DIS3L2: variants seen among roughly 807,000 people sequenced by gnomAD.
DIS3L2 encodes the protein DIS3 like 3'-5' exoribonuclease 2.
DIS3L2 carries 34 observed loss-of-function variants against 97.5 expected under a neutral mutation model. That is an observed-to-expected ratio of 0.35 (90% CI 0.27 to 0.46). DIS3L2 has a LOEUF of 0.46. Among genes scored for constraint, DIS3L2 ranks in the 20% least tolerant of loss-of-function variants. The probability of loss-of-function intolerance (pLI) is 1.00; values close to 1 mark genes in which losing one functional copy is unlikely to be tolerated. For synonymous variants in DIS3L2, 435 were observed against 445.2 expected, an observed-to-expected ratio of 0.98 and a Z score of 0.29; for missense variants, 1,038 against 1,146.0, an observed-to-expected ratio of 0.91 and a Z score of 1.36.
intron 8 of DIS3L2, among the ~76,000 whole-genome samples, chr2:232,139,707 C>T (rs534757438): frequency 2.0e-5 from 3 of 152,256 alleles, no homozygotes; most frequent in Non-Finnish European, 4.4e-5. Flanking sequence ...AGGATCATTT[C>T]TTATAGGACA....
chr2:231,984,312 A>G (rs916699375), intron 1 of DIS3L2, among the ~76,000 whole-genome samples: 1 of 145,820 alleles, frequency 6.9e-6, no homozygotes, highest in African/African-American at 2.5e-5. Context: ...TTTTTATTTT[A>G]TTTTTTGAGA....
chr2:232,277,664 G>A (rs1156544827), intron 13 of DIS3L2, among the ~76,000 whole-genome samples: 1 of 152,114 alleles, frequency 6.6e-6, no homozygotes, highest in Non-Finnish European at 1.5e-5. Context: ...CATTTTTAGA[G>A]CTTTTGACTT....
At chr2:232,145,092 T>A (rs911776616) in intron 8 of DIS3L2, among the ~76,000 whole-genome samples, 2 of 152,232 alleles carry the variant, frequency 1.3e-5, no homozygotes, top group Admixed American at 6.5e-5. Flanking sequence ...CTGTTTCTGC[T>A]TAATTTCACC....
In DIS3L2 at chr2:232,221,197, C is replaced by T. The variant is rs182562837; in HGVS notation, c.1204+10792C>T. ...GTATATGGAGATAATGCCAAGGGAC[C>T]GGAATTCAGAAATCAGGTGACAGTT... On this transcript the variant is annotated intron_variant, in intron 10 of 20. Coordinates refer to ENST00000325385, the MANE Select transcript of DIS3L2 (RefSeq NM_152383.5). Among the ~76,000 whole-genome samples the T allele has an allele frequency of 1.4e-3, 215 of 151,894 alleles. 2 individuals are homozygous for T. Among genetic ancestry groups the T allele is most frequent in the African/African-American group, 4.4e-3 (183 of 41,384 alleles).
chr2:232,217,367 C>T (rs1401185760), intron 10 of DIS3L2, among the ~76,000 whole-genome samples: 3 of 152,194 alleles, frequency 2.0e-5, no homozygotes, highest in Admixed American at 1.3e-4. Context: ...CTGCTATGAC[C>T]AAATACTTGG....
intron 14 of DIS3L2, 107 bp downstream of exon 14, chr2:232,300,226 A>G: frequency 9.6e-7 from 1 of 1,045,716 alleles, no homozygotes; most frequent in Non-Finnish European, 1.5e-6. Context: ...CAGGAAGGGA[A>G]TACACCTTTT....
chr2:232,162,514 T>G (rs1308466280), intron 8 of DIS3L2, among the ~76,000 whole-genome samples: 1 of 152,216 alleles, frequency 6.6e-6, no homozygotes, highest in African/African-American at 2.4e-5. Context: ...TCTACCCTTA[T>G]TTAGGAAACA....
chr2:232,135,367 A>G (rs1188734167), intron 7 of DIS3L2, among the ~76,000 whole-genome samples: 1 of 152,122 alleles, frequency 6.6e-6, no homozygotes, highest in Non-Finnish European at 1.5e-5. Flanking sequence ...GAAAACATGG[A>G]CACCCATTTC....
chr2:232,300,304 A>G (rs1465908250), intron 14 of DIS3L2, among the ~76,000 whole-genome samples, 185 bp downstream of exon 14: 1 of 152,208 alleles, frequency 6.6e-6, no homozygotes, highest in Non-Finnish European at 1.5e-5. Flanking sequence ...CCCTAAGTAT[A>G]GAACTTGGAG....
intron 1 of DIS3L2, among the ~76,000 whole-genome samples, chr2:231,984,203 G>A (rs967048402): frequency 9.2e-5 from 14 of 151,812 alleles, no homozygotes; most frequent in Non-Finnish European, 1.8e-4. Flanking sequence ...TAATAGGAAT[G>A]CCTCTGGTGC....
intron 6 of DIS3L2, among the ~76,000 whole-genome samples, chr2:232,095,180 AC>A (rs1385593382): frequency 2.0e-5 from 3 of 151,626 alleles, no homozygotes; most frequent in African/African-American, 7.3e-5. Flanking sequence ...GTAAGGACTT[AC>A]TCCTGCCATT....
At chr2:231,965,821 C>G (rs1559499020) in intron 1 of DIS3L2, among the ~76,000 whole-genome samples, 1 of 152,168 alleles carries the variant, frequency 6.6e-6, no homozygotes, top group African/African-American at 2.4e-5. Flanking sequence ...GAACAGTGCT[C>G]TAATCAAAGC....
At chr2:232,240,780 T>A (rs995335209) in intron 11 of DIS3L2, among the ~76,000 whole-genome samples, 9 of 152,216 alleles carry the variant, frequency 5.9e-5, no homozygotes, top group African/African-American at 2.2e-4. Flanking sequence ...CTTGAGTACA[T>A]GGGGCTTCCT....
At chr2:232,107,076 A>T (rs1280165788) in intron 6 of DIS3L2, among the ~76,000 whole-genome samples, 3 of 152,198 alleles carry the variant, frequency 2.0e-5, no homozygotes, top group African/African-American at 7.2e-5. Context: ...AGATACAATG[A>T]TCCAGTATCT....
chr2:232,041,786 T>TAA (rs1204925195), intron 5 of DIS3L2, among the ~76,000 whole-genome samples: 1 of 152,208 alleles, frequency 6.6e-6, no homozygotes, highest in Non-Finnish European at 1.5e-5. Flanking sequence ...TTGAAACTGT[T>TAA]AAAAATATAG....
chr2:232,238,425 G>T, intron 10 of DIS3L2, 108 bp from the exon 11 acceptor site: 2 of 830,112 alleles, frequency 2.4e-6, no homozygotes, highest in South Asian at 1.7e-5. Flanking sequence ...TCACCTAACT[G>T]CAGGTCCTGT....
intron 8 of DIS3L2, among the ~76,000 whole-genome samples, chr2:232,154,784 G>A (rs1202952701): frequency 2.7e-5 from 4 of 146,324 alleles, no homozygotes; most frequent in South Asian, 2.2e-4. Flanking sequence ...GGGCAATGGC[G>A]GGCGCCCCTC....
intron 12 of DIS3L2, among the ~76,000 whole-genome samples, chr2:232,252,296 C>T (rs1449048690): frequency 6.6e-6 from 1 of 152,156 alleles, no homozygotes; most frequent in Non-Finnish European, 1.5e-5. Flanking sequence ...ATAATCTCAG[C>T]CACTTGGGAG....
rs1333234695 is a variant in DIS3L2 at position 232,297,972 on chromosome 2, T to G, written c.1660-2068T>G. 2.0e-5 allele frequency among the ~76,000 whole-genome samples: 3 copies of G among 152,184 alleles called. No homozygotes were observed. The East Asian group carries it at 5.8e-4, about 29-fold the overall frequency. On this transcript the variant is annotated intron_variant, in intron 13 of 20. Transcript: ENST00000325385. ...TCGGCCTCCCAAAGTGCTAGGATTA[T>G]AGGCATGAGCCACCACATCTGGCCT... is the stretch of plus-strand genomic sequence containing the variant.
Sources: allele counts gnomAD v4.1 joint callset (sites outside exome capture counted in the v4.1 genomes callset), GRCh38; gene constraint gnomAD v4.1.1; transcripts MANE v1.5; gene names NCBI Gene and HGNC (gene_info 2026-07-23, HGNC 2026-07-21).